The following KANK3 variants were observed in gnomAD, a reference collection of about 807,000 sequenced individuals.
The protein encoded by KANK3 is KN motif and ankyrin repeat domain-containing protein 3.
Under a neutral mutation model 65.4 loss-of-function variants are expected in KANK3, and 61 were observed. The ratio of observed to expected loss-of-function variants is 0.93; its 90% CI spans 0.76 to 1.15. The LOEUF (loss-of-function observed/expected upper bound fraction) is 1.15, where lower values mean the gene tolerates loss of function less well. KANK3 is among the 50% of genes most tolerant of loss of function. The pLI, the probability that KANK3 is intolerant of heterozygous loss-of-function variation, is 0.00. For missense variants in KANK3, 1,187 were observed against 1,178.8 expected (o/e 1.01, Z -0.10); for synonymous variants, 586 against 543.3 (o/e 1.08, Z -1.09).
rs890851 is a variant in KANK3 at position 8,334,915 on chromosome 19, G to A, written c.912C>T (p.Ala304=). 0.2 allele frequency: 291,886 copies of A among 1,461,410 alleles called. 30,954 individuals carry two copies. Among genetic ancestry groups the A allele is most frequent in the Non-Finnish European group, 0.22 (245,927 of 1,117,194 alleles). The allele number at this position is 1,461,410 out of a possible 1,614,324, so 90.5% of individuals were successfully genotyped here. Residue 304 remains alanine, a synonymous_variant, in exon 3 of 11, where the codon GCC becomes GCT. Transcript: ENST00000330915. The part of the protein sequence containing the change: ...LDGTPQTREV[A]AEAVPETREA... ...CTCGGGTCTCGGGCACGGCCTCGGC[G>A]GCCACCTCCCGGGTCTGGGGCGTCC...
intron 7 of KANK3, among the ~76,000 whole-genome samples, chr19:8,331,385 C>T (rs1042059432): frequency 9.3e-6 from 1 of 107,124 alleles, no homozygotes; most frequent in African/African-American, 3.1e-5. Flanking sequence ...CCTACAATGC[C>T]CCAGCTTCCA....
rs934843094 is a variant in KANK3, at chr19:8,337,179, C to T, written c.34+616G>A. On this transcript the variant is annotated intron_variant, in intron 2 of 10. Coordinates refer to ENST00000330915, the MANE Select transcript of KANK3 (RefSeq NM_198471.3). ...TCCTGAGTAGCTGGGACTACAGGCA[C>T]GCGCCACCATGCCTGGCTAATTTTT... Among the ~76,000 whole-genome samples the T allele has an allele frequency of 5.5e-4, 82 of 149,354 alleles. 1 individual carries two copies. Among genetic ancestry groups the T allele is most frequent in the Admixed American group, 2.5e-3 (38 of 14,926 alleles).
chr19:8,334,025 C>A lies in KANK3; in HGVS notation c.1519G>T (p.Gly507Trp). The change falls in exon 5 of 11, where the codon GGG (glycine) becomes TGG (tryptophan). Residue 507 changes from glycine to tryptophan, a missense_variant. This residue lies in a region of KANK3 where 1,078 missense variants were observed against 1,038.2 expected (regional missense o/e 1.04). Coordinates refer to ENST00000330915, the MANE Select transcript of KANK3 (RefSeq NM_198471.3). ...TCGGATCCCCCGCCGCTGTCATCCC[C>A]GGAGCCCGAGGAGCTACCCGGGGGC... is the stretch of plus-strand genomic sequence containing the variant. ...AEPPGSSSGS[G>W]DDSGGGSDSG... 1 of 1,554,252 alleles carries A rather than the reference C, an allele frequency of 6.4e-7. No homozygotes were observed.
chr19:8,342,703 G>A (rs1461980351), intron 1 of KANK3, among the ~76,000 whole-genome samples: 1 of 145,050 alleles, frequency 6.9e-6, no homozygotes, highest in Non-Finnish European at 1.5e-5. Flanking sequence ...ACCGGTGGCG[G>A]CAGGAAGGTG....
Position 8,341,225 on chromosome 19 carries a change from T to A in KANK3, c.-29+2000A>T, listed in dbSNP as rs567963103. 1.7e-4 allele frequency among the ~76,000 whole-genome samples: 17 copies of A among 97,862 alleles called. No homozygotes were observed. The South Asian group carries it at 3.9e-3, about 22-fold the overall frequency. The allele number at this position is 97,862 out of a possible 152,430, so 64.2% of individuals were successfully genotyped here. A position where few individuals can be genotyped will look rare whatever the true frequency, so the allele number is the denominator to read the frequency against. On this transcript the variant is annotated intron_variant, in intron 1 of 10. Coordinates refer to ENST00000330915, the MANE Select transcript of KANK3 (RefSeq NM_198471.3). Reference sequence around the variant, plus strand: ...TCTAAGGAATTTATGGATATTTACTTTTTTTTTTTTTTTTTTTAGAGGCAA... The same window carrying A: ...TCTAAGGAATTTATGGATATTTACTATTTTTTTTTTTTTTTTTAGAGGCAA...
chr19:8,330,218 C>T (rs1188152581), intron 7 of KANK3, among the ~76,000 whole-genome samples: 3 of 152,058 alleles, frequency 2.0e-5, no homozygotes, highest in Non-Finnish European at 2.9e-5. Flanking sequence ...AATGCAGGGG[C>T]GTTAGTGTAT....
intron 10 of KANK3, 96 bp downstream of exon 10, chr19:8,324,353 T>C: frequency 8.8e-7 from 1 of 1,140,916 alleles, no homozygotes; most frequent in Non-Finnish European, 1.3e-6. Context: ...GGTGCCACCT[T>C]TGGGGAGCAG....
chr19:8,323,106 G>A (rs1970352442), intron 10 of KANK3, 184 bp from the exon 11 acceptor site: 1 of 477,472 alleles, frequency 2.1e-6, no homozygotes, highest in Non-Finnish European at 3.7e-6. Flanking sequence ...ATCCCTTCCA[G>A]TGGGGTGAGT....
rs373188038 is a variant in KANK3, at chr19:8,325,116, C to T, written c.1937-20G>A. On this transcript the variant is annotated intron_variant, in intron 7 of 10. Transcript: ENST00000330915. ...AGGCCCCTGGGAGAGAAAAGGGGGC[C>T]GTCCACGGAGATGCCAACACCGCGG... 2.9e-4 allele frequency: 467 copies of T among 1,601,450 alleles called. No homozygotes were observed. The highest frequency in any genetic ancestry group is 4.2e-4 in the African/African-American group (31 of 74,630).
At position 8,324,696 on chromosome 19, in the gene KANK3, A is replaced by G. The variant is rs1187413680; in HGVS notation, c.2217T>C (p.Tyr739=). 7 of 1,613,920 alleles carry G rather than the reference A, an allele frequency of 4.3e-6. No homozygotes were observed. The highest frequency in any genetic ancestry group is 5.9e-6 in the Non-Finnish European group (7 of 1,180,028). Residue 739 remains tyrosine (Y), a synonymous_variant, in exon 9 of 11, where the codon TAT becomes TAC. Coordinates refer to ENST00000330915, the MANE Select transcript of KANK3 (RefSeq NM_198471.3). ...GATALMCASE[Y]GRLDTVRLLL... ...GCAGCCGCACGGTGTCCAGGCGCCC[A>G]TACTCACTGGCACACATCAGCGCTG...
intron 7 of KANK3, among the ~76,000 whole-genome samples, chr19:8,330,929 G>A (rs139562841): frequency 6.6e-6 from 1 of 151,850 alleles, no homozygotes; most frequent in Non-Finnish European, 1.5e-5. Flanking sequence ...CGGGCAAAGC[G>A]GCTAATGCTT....
At chr19:8,325,135 A>G (rs1373942511) in intron 7 of KANK3, 39 bp from the exon 8 acceptor site, 2 of 1,575,822 alleles carry the variant, frequency 1.3e-6, no homozygotes, top group Non-Finnish European at 8.6e-7. Flanking sequence ...AGATGCCAAC[A>G]CCGCGGCCCG....
In KANK3 at chr19:8,335,749, G is replaced by A. The variant is rs1224792703; in HGVS notation, c.78C>T (p.Gly26=). 8 of 1,244,224 alleles carry A rather than the reference G, an allele frequency of 6.4e-6. No homozygotes were observed. The highest frequency in any genetic ancestry group is 7.1e-6 in the Non-Finnish European group (7 of 990,144). 77.1% of individuals were successfully genotyped at this position (1,244,224 alleles called of 1,614,324 possible). ...AGTAGGGCGAGCTCGGGCTGCGTGC[G>A]CCCCCGGCGGCGGGGACCGGGCACA... ...PRLCPVPAAG[G]ARSPSSPYSV... is the part of the protein sequence containing the mutation. Residue 26 remains glycine, a synonymous_variant, in exon 3 of 11, where the codon GGC becomes GGT. Transcript: ENST00000330915.
In KANK3 at chr19:8,334,875, C is replaced by A; in HGVS notation, c.952G>T (p.Ala318Ser). The A allele has an allele frequency of 6.9e-7, 1 of 1,459,808 alleles. No homozygotes were observed. Among genetic ancestry groups the A allele is most frequent in the Non-Finnish European group, 9.0e-7 (1 of 1,115,788 alleles). 90.4% of individuals were successfully genotyped at this position (1,459,808 alleles called of 1,614,324 possible). ...CCGGCCTCCCGGGTCTCCGGCACGG[C>A]CTGGGCACCCGCTTCTCGGGTCTCG... ...VPETREAGAQ[A>S]VPETREAGVE... Residue 318 changes from alanine to serine, a missense_variant, in exon 3 of 11, where the codon GCC becomes TCC. By Grantham distance (99) the Ala-to-Ser change is moderately conservative. Around this residue, in one of 3 missense-constraint regions of KANK3, gnomAD observed 1,078 missense variants for 1,038.2 expected, o/e 1.04. Coordinates refer to ENST00000330915, the MANE Select transcript of KANK3 (RefSeq NM_198471.3).
At chr19:8,341,489 C>A (rs984653221) in intron 1 of KANK3, among the ~76,000 whole-genome samples, 2 of 152,218 alleles carry the variant, frequency 1.3e-5, no homozygotes, top group Non-Finnish European at 2.9e-5. Context: ...CAGCTCACTG[C>A]AATCTCCGCC....
chr19:8,334,590 C>T lies in KANK3; in HGVS notation c.1237G>A (p.Ala413Thr), dbSNP rs759724793. ...QTPWSCAEKA[A>T]QTESPAEAPS... ...GCCTCTGCCGGGGACTCGGTCTGCG[C>T]GGCCTTTTCGGCACAGCTCCACGGG... The change falls in exon 3 of 11, where the codon GCG (alanine) becomes ACG (threonine). Residue 413 changes from alanine to threonine, a missense_variant. This residue lies in a region of KANK3 where 1,078 missense variants were observed against 1,038.2 expected (regional missense o/e 1.04). Coordinates refer to ENST00000330915, the MANE Select transcript of KANK3 (RefSeq NM_198471.3). 9 of 1,591,128 alleles carry T rather than the reference C, an allele frequency of 5.7e-6. No individual in the cohort carries two copies. Among genetic ancestry groups the T allele is most frequent in the Admixed American group, 3.4e-5 (2 of 58,532 alleles).
intron 1 of KANK3, among the ~76,000 whole-genome samples, chr19:8,339,506 C>CT (rs1970695220): frequency 6.6e-6 from 1 of 152,004 alleles, no homozygotes; most frequent in Non-Finnish European, 1.5e-5. Context: ...ATTACAGCCA[C>CT]TGCTACTATA....
At chr19:8,337,547 T>C (rs1472035724) in intron 2 of KANK3, among the ~76,000 whole-genome samples, 1 of 151,880 alleles carries the variant, frequency 6.6e-6, no homozygotes, top group East Asian at 1.9e-4. Flanking sequence ...GGTTTCACCA[T>C]GTTGCCCAGG....
intron 2 of KANK3, among the ~76,000 whole-genome samples, chr19:8,336,986 G>A (rs146071705): frequency 7.8e-4 from 119 of 152,052 alleles, no homozygotes; most frequent in African/African-American, 2.6e-3. Context: ...GTGGCAGGGG[G>A]TATAGTCCAC....
Sources: allele counts gnomAD v4.1 joint callset (sites outside exome capture counted in the v4.1 genomes callset), GRCh38; gene constraint gnomAD v4.1.1; regional missense constraint gnomAD v4.1.1; transcripts MANE v1.5; gene names NCBI Gene and HGNC (gene_info 2026-07-23, HGNC 2026-07-21).